MELK: variants seen among roughly 807,000 people sequenced by gnomAD.
MELK encodes the protein pEg3 kinase.
In MELK, 81 loss-of-function variants were observed where a neutral mutation model predicts 85.0. That is an observed-to-expected ratio of 0.95 (90% CI 0.80 to 1.15). MELK has a LOEUF of 1.15. Among genes scored for constraint, MELK ranks in the 50% most tolerant of loss-of-function variants. The pLI is 0.00. For missense variants in MELK, 754 were observed against 777.5 expected (o/e 0.97, Z 0.36); for synonymous variants, 252 against 265.0 (o/e 0.95, Z 0.48).
At chr9:36,586,302 G>A (rs539524615) in intron 3 of MELK, among the ~76,000 whole-genome samples, 4 of 150,800 alleles carry the variant, frequency 2.7e-5, no homozygotes. Flanking sequence ...AGATGGTGCC[G>A]CTGCACTCCA....
At chr9:36,578,546 A>G (rs775623818) in intron 1 of MELK, among the ~76,000 whole-genome samples, 6 of 152,186 alleles carry the variant, frequency 3.9e-5, no homozygotes, top group Non-Finnish European at 5.9e-5. Flanking sequence ...AGTGAGTTGA[A>G]AGGGGCAGAA....
chr9:36,602,598 T>C (rs1191920799), intron 7 of MELK, among the ~76,000 whole-genome samples: 1 of 147,982 alleles, frequency 6.8e-6, no homozygotes, highest in African/African-American at 2.5e-5. Flanking sequence ...TTGCTCTTGT[T>C]GACCAGGCTG....
chr9:36,615,941 C>A (rs1267308595), intron 8 of MELK, among the ~76,000 whole-genome samples: 1 of 152,000 alleles, frequency 6.6e-6, no homozygotes, highest in African/African-American at 2.4e-5. Context: ...CTCCTCACTT[C>A]CCAGACGGGG....
In MELK at chr9:36,627,510, T is replaced by TTCTC. The variant is rs199909779; in HGVS notation, c.667-2777_667-2774dup. Among the ~76,000 whole-genome samples, 16 of 147,888 alleles carry TTCTC rather than the reference T, an allele frequency of 1.1e-4. 1 individual carries two copies. Among genetic ancestry groups the TTCTC allele is most frequent in the African/African-American group, 3.1e-4 (12 of 39,136 alleles). On this transcript the variant is annotated intron_variant, in intron 8 of 17. Transcript: ENST00000298048. ...CACTCAGTATTACCCAGAGAACCCA[T>TTCTC]TCTCTCTCTCTCTCTTTTTTTTTTT...
At position 36,589,394 on chromosome 9, in the gene MELK, C is replaced by T. The variant is rs189758157; in HGVS notation, c.145-142C>T. The T allele has an allele frequency of 3.6e-5, 22 of 610,698 alleles. No homozygotes were observed. The East Asian group carries it at 4.3e-4, about 12-fold the overall frequency. 37.8% of individuals were successfully genotyped at this position (610,698 alleles called of 1,614,324 possible). On this transcript the variant is annotated intron_variant, in intron 3 of 17. Transcript: ENST00000298048. ...CGATTTCCTGACCTCATGATCCGCC[C>T]GCCTCGGCCTCCCAAAGTGCGGGAT...
At chr9:36,653,055 A>AATG (rs1830867466) in intron 12 of MELK, among the ~76,000 whole-genome samples, 1 of 152,150 alleles carries the variant, frequency 6.6e-6, no homozygotes, top group Non-Finnish European at 1.5e-5. Context: ...TTCATACTGA[A>AATG]ATGGAGCATG....
chr9:36,597,558 G>GT (rs1217419498), intron 6 of MELK, among the ~76,000 whole-genome samples: 1 of 152,138 alleles, frequency 6.6e-6, no homozygotes, highest in Admixed American at 6.6e-5. Flanking sequence ...CAGTGCAGAG[G>GT]TGACTTGAGG....
intron 7 of MELK, among the ~76,000 whole-genome samples, chr9:36,602,044 ATC>A (rs1351565642): frequency 1.3e-5 from 2 of 152,206 alleles, no homozygotes; most frequent in African/African-American, 4.8e-5. Flanking sequence ...GTGTACAAGT[ATC>A]TCTTTCAGAT....
intron 1 of MELK, among the ~76,000 whole-genome samples, chr9:36,579,247 G>A (rs568262486): frequency 2.0e-5 from 3 of 152,294 alleles, no homozygotes; most frequent in African/African-American, 7.2e-5. Context: ...GGCTGGTCTC[G>A]AACTCCCGAC....
intron 16 of MELK, 95 bp downstream of exon 16, chr9:36,671,261 T>C (rs1832865001): frequency 7.9e-7 from 1 of 1,269,870 alleles, no homozygotes; most frequent in Non-Finnish European, 1.0e-6. Flanking sequence ...ATTAGTGTTT[T>C]TTATTTGAGT....
intron 11 of MELK, among the ~76,000 whole-genome samples, chr9:36,649,943 A>T (rs62541990): frequency 0.85 from 127,937 of 151,128 alleles, 54,404 homozygotes; most frequent in Non-Finnish European, 0.9. Context: ...TAATTAAATT[A>T]ATTAATTTAT....
chr9:36,604,015 G>T (rs1320657863), intron 7 of MELK, among the ~76,000 whole-genome samples: 2 of 151,958 alleles, frequency 1.3e-5, no homozygotes, highest in Non-Finnish European at 2.9e-5. Context: ...TGTTGCCCAG[G>T]CTGGAGTGCA....
intron 14 of MELK, among the ~76,000 whole-genome samples, chr9:36,666,886 TGTGTGTGTGTGTGTGTGTGTGATG>T (rs1476829762): frequency 6.7e-6 from 1 of 149,536 alleles, no homozygotes; most frequent in Non-Finnish European, 1.5e-5. Flanking sequence ...TGTGTGTGTG[TGTGTGTGTGTGTGTGTGTGTGATG>T]GTGTGTGTGT....
chr9:36,665,641 C>A, intron 14 of MELK, 60 bp downstream of exon 14: 1 of 1,308,104 alleles, frequency 7.6e-7, no homozygotes, highest in Non-Finnish European at 1.1e-6. Context: ...GTTAAGTAAA[C>A]ATATAGCAGG....
chr9:36,602,546 T>TA (rs1825039105), intron 7 of MELK, among the ~76,000 whole-genome samples: 1 of 147,002 alleles, frequency 6.8e-6, no homozygotes. Flanking sequence ...AATTTTCAAT[T>TA]AAGCTCTACA....
At chr9:36,625,412 C>T (rs899523388) in intron 8 of MELK, among the ~76,000 whole-genome samples, 4 of 152,188 alleles carry the variant, frequency 2.6e-5, no homozygotes, top group Non-Finnish European at 5.9e-5. Context: ...AGCTCAGATA[C>T]GAGAGTGGGG....
intron 13 of MELK, among the ~76,000 whole-genome samples, chr9:36,662,537 C>T (rs1256256261): frequency 6.6e-6 from 1 of 152,154 alleles, no homozygotes; most frequent in Non-Finnish European, 1.5e-5. Flanking sequence ...AGCCCCTGCA[C>T]CCTGCTGTGA....
chr9:36,592,172 CTTTT>C (rs35073009), intron 4 of MELK, among the ~76,000 whole-genome samples: 1 of 117,326 alleles, frequency 8.5e-6, no homozygotes, highest in East Asian at 2.4e-4. Context: ...CATTTCTTTT[CTTTT>C]TTTTTTTTTT....
At chr9:36,650,900 G>A (rs1171556176) in intron 11 of MELK, among the ~76,000 whole-genome samples, 1 of 152,166 alleles carries the variant, frequency 6.6e-6, no homozygotes, top group Non-Finnish European at 1.5e-5. Context: ...ATGTTGAGAG[G>A]AGGTAAAGTG....
Sources: gnomAD v4.1 joint callset for allele counts (sites outside exome capture counted in the v4.1 genomes callset) on GRCh38, gnomAD v4.1.1 for gene constraint, MANE v1.5 for transcripts, NCBI Gene and HGNC (gene_info 2026-07-23, HGNC 2026-07-21) for gene names.